CD36: variants seen among roughly 807,000 people sequenced by gnomAD.
CD36 encodes the protein platelet glycoprotein 4.
A neutral mutation model predicts 55.2 loss-of-function variants in CD36; 119 were observed. That is an observed-to-expected ratio of 2.15 (90% CI 1.86 to 2.51). CD36 has a LOEUF of 2.51. Among genes scored for constraint, CD36 ranks in the 30% most tolerant of loss-of-function variants. The pLI, the probability that CD36 is intolerant of heterozygous loss-of-function variation, is 0.00. For synonymous variants in CD36, 186 were observed against 193.6 expected, an observed-to-expected ratio of 0.96 and a Z score of 0.33; for missense variants, 819 against 555.5, an observed-to-expected ratio of 1.47 and a Z score of -4.77.
At chr7:80,673,770 A>G in intron 13 of CD36, 1 of 593,928 alleles carries the variant, frequency 1.7e-6, no homozygotes, top group South Asian at 2.0e-5. Flanking sequence ...AGTTCTGAAG[A>G]GCAAATGAAT....
intron 1 of CD36, among the ~76,000 whole-genome samples, chr7:80,603,655 G>A (rs1792367337): frequency 6.6e-6 from 1 of 151,346 alleles, no homozygotes; most frequent in South Asian, 2.1e-4. Context: ...AAAGGATAAT[G>A]ATAACTGTGT....
chr7:80,673,210 AACAACTATATTAAAATTTAAATGAGTC>A (rs1797890154), intron 12 of CD36, 118 bp from the exon 13 acceptor site: 1 of 536,614 alleles, frequency 1.9e-6, no homozygotes, highest in Non-Finnish European at 3.3e-6. Flanking sequence ...GGAAGTCAAA[AACAACTATATTAAAATTTAAATGAGTC>A]ATTACAGGAA....
Position 80,673,346 on chromosome 7 carries a change from ATATTACAGAG to A in CD36, c.1200-3_1206del, listed in dbSNP as rs1261358979. Reference sequence around the variant, plus strand: ...ATATGTTCATAATTATTTTCAACGTATATTACAGAGTATTAAAGAATCTGAAGAGGAACTA... The same window carrying A: ...ATATGTTCATAATTATTTTCAACGTATATTAAAGAATCTGAAGAGGAACTA... On this transcript the variant is annotated splice_acceptor_variant and splice_polypyrimidine_tract_variant and coding_sequence_variant and intron_variant, in exon 13 of 15. Transcript: ENST00000447544. LOFTEE classifies it high-confidence loss of function. 21 of 1,289,500 alleles carry A rather than the reference ATATTACAGAG, an allele frequency of 1.6e-5. No homozygotes were observed. Among genetic ancestry groups the A allele is most frequent in the African/African-American group, 8.7e-5 (6 of 68,616 alleles). The allele number at this position is 1,289,500 out of a possible 1,614,324, so 79.9% of individuals were successfully genotyped here.
chr7:80,645,106 C>G (rs538954899), intron 1 of CD36, among the ~76,000 whole-genome samples: 7 of 151,210 alleles, frequency 4.6e-5, no homozygotes, highest in African/African-American at 1.5e-4. Flanking sequence ...CCGCAACCTC[C>G]GCCTCCTGGG....
At chr7:80,645,760 G>A (rs573449187) in intron 1 of CD36, among the ~76,000 whole-genome samples, 2 of 152,258 alleles carry the variant, frequency 1.3e-5, no homozygotes, top group South Asian at 4.1e-4. Context: ...CTATATTGTA[G>A]TTGAATGTGT....
chr7:80,671,898 T>A (rs148767843), intron 10 of CD36, 24 bp from the exon 11 acceptor site: 12 of 1,605,532 alleles, frequency 7.5e-6, no homozygotes, highest in Non-Finnish European at 1.0e-5. Context: ...TTAATTCCAA[T>A]TGACTCTTAA....
intron 7 of CD36, 43 bp from the exon 8 acceptor site, chr7:80,666,400 C>G: frequency 1.5e-6 from 2 of 1,321,998 alleles, no homozygotes; most frequent in Non-Finnish European, 2.2e-6. Context: ...GAAAGGTATT[C>G]TTTAAATAAG....
chr7:80,643,851 A>T (rs1341174279), intron 1 of CD36, among the ~76,000 whole-genome samples: 1 of 152,166 alleles, frequency 6.6e-6, no homozygotes, highest in South Asian at 2.1e-4. Context: ...TTGTCCCTTC[A>T]TCTCAATTGA....
chr7:80,604,273 TA>T (rs901417497), intron 1 of CD36, among the ~76,000 whole-genome samples: 1 of 144,658 alleles, frequency 6.9e-6, no homozygotes, highest in Non-Finnish European at 1.5e-5. Context: ...GCAATGAATA[TA>T]AAAAGAATAT....
intron 1 of CD36, among the ~76,000 whole-genome samples, chr7:80,604,994 A>G (rs556088216): frequency 9.2e-5 from 14 of 152,270 alleles, no homozygotes; most frequent in African/African-American, 2.4e-4. Flanking sequence ...CCATTGCAAG[A>G]TCTACTTCTT....
Position 80,677,831 on chromosome 7 carries a change from A to T in CD36, c.*1448A>T, listed in dbSNP as rs968873741. ...GACCTGTATATTATGACTAATCATGACTCAGATCTTAATACAGGGATGATC... is the reference window on the plus strand; with the variant it reads ...GACCTGTATATTATGACTAATCATGTCTCAGATCTTAATACAGGGATGATC... On this transcript the variant is annotated 3_prime_UTR_variant, in exon 15 of 15. Coordinates refer to ENST00000447544, the MANE Select transcript of CD36 (RefSeq NM_001001548.3). The T allele has an allele frequency of 6.6e-6, 1 of 152,156 alleles. No individual in the cohort carries two copies. The highest frequency in any genetic ancestry group is 1.5e-5 in the Non-Finnish European group (1 of 68,034). 9.4% of individuals were successfully genotyped at this position (152,156 alleles called of 1,614,324 possible). A position where few individuals can be genotyped will look rare whatever the true frequency, so the allele number is the denominator to read the frequency against.
chr7:80,631,870 G>GT (rs1405231612), intron 1 of CD36, among the ~76,000 whole-genome samples: 1 of 151,280 alleles, frequency 6.6e-6, no homozygotes, highest in African/African-American at 2.4e-5. Flanking sequence ...ATTTGTATTT[G>GT]TTTTTTACAA....
intron 3 of CD36, among the ~76,000 whole-genome samples, chr7:80,653,161 C>G (rs1795756848): frequency 6.6e-6 from 1 of 152,050 alleles, no homozygotes; most frequent in South Asian, 2.1e-4. Flanking sequence ...AGCCACTATA[C>G]CTTGTTAGGG....
intron 5 of CD36, among the ~76,000 whole-genome samples, chr7:80,661,849 C>T (rs1034029224): frequency 2.6e-5 from 4 of 152,142 alleles, no homozygotes; most frequent in African/African-American, 9.7e-5. Flanking sequence ...TCGAATTCGG[C>T]TATTTGCTTG....
chr7:80,624,403 A>G (rs1334092576), intron 1 of CD36, among the ~76,000 whole-genome samples: 3 of 152,194 alleles, frequency 2.0e-5, no homozygotes, highest in Non-Finnish European at 4.4e-5. Context: ...AAACTTTTAA[A>G]TAAGAAGTTG....
At chr7:80,673,946 C>A (rs367722115) in intron 13 of CD36, 37 bp from the exon 14 acceptor site, 2 of 1,542,008 alleles carry the variant, frequency 1.3e-6, no homozygotes, top group East Asian at 2.3e-5. Flanking sequence ...GTTTTACTAA[C>A]GTACCCAAAT....
chr7:80,668,873 T>C (rs182444972), intron 8 of CD36, among the ~76,000 whole-genome samples: 56 of 152,332 alleles, frequency 3.7e-4, no homozygotes, highest in Middle Eastern at 3.4e-3. Context: ...GTATTAGTGA[T>C]ATTCATGTGA....
Position 80,664,508 on chromosome 7 carries a change from T to C in CD36, c.701+11T>C. ...ATATAAAGGTAAAAGGTAAGTATTCTGGTAAAATGTGCATGTATGTTACTA... is the reference window on the plus strand; with the variant it reads ...ATATAAAGGTAAAAGGTAAGTATTCCGGTAAAATGTGCATGTATGTTACTA... On this transcript the variant is annotated intron_variant, in intron 7 of 14. Transcript: ENST00000447544. The C allele has an allele frequency of 1.5e-6, 2 of 1,359,518 alleles. No homozygotes were observed. The highest frequency in any genetic ancestry group is 2.1e-6 in the Non-Finnish European group (2 of 949,210). The allele number at this position is 1,359,518 out of a possible 1,614,324, so 84.2% of individuals were successfully genotyped here.
At chr7:80,612,706 G>T (rs1451928667) in intron 1 of CD36, among the ~76,000 whole-genome samples, 1 of 151,950 alleles carries the variant, frequency 6.6e-6, no homozygotes, top group African/African-American at 2.4e-5. Flanking sequence ...ACTTTCTTTT[G>T]TTGTTTTTAT....
Sources: allele counts gnomAD v4.1 joint callset (sites outside exome capture counted in the v4.1 genomes callset), GRCh38; gene constraint gnomAD v4.1.1; transcripts MANE v1.5; gene names NCBI Gene and HGNC (gene_info 2026-07-23, HGNC 2026-07-21).